The following CHIC2 variants were observed in gnomAD, a reference collection of about 807,000 sequenced individuals.
CHIC2 encodes cysteine rich hydrophobic domain 2.
In CHIC2, 14 loss-of-function variants were observed where a neutral mutation model predicts 25.9. The ratio of observed to expected loss-of-function variants is 0.54; its 90% confidence interval spans 0.36 to 0.85. The LOEUF (loss-of-function observed/expected upper bound fraction) is 0.85, where lower values mean the gene tolerates loss of function less well. CHIC2 is among the 40% of genes least tolerant of loss of function. The pLI is 0.01. For missense variants in CHIC2, 146 were observed against 202.0 expected, an observed-to-expected ratio of 0.72 and a Z score of 1.68; for synonymous variants, 70 against 72.0, an observed-to-expected ratio of 0.97 and a Z score of 0.14.
chr4:54,037,621 A>C (rs954833263), intron 3 of CHIC2, among the ~76,000 whole-genome samples: 5 of 152,162 alleles, frequency 3.3e-5, no homozygotes, highest in Non-Finnish European at 2.9e-5. Flanking sequence ...AATATAAATA[A>C]AAGTTTTGAA....
the CHIC2 span, among the ~76,000 whole-genome samples, chr4:54,080,716 A>G: frequency 6.7e-6 from 1 of 149,354 alleles, no homozygotes; most frequent in Non-Finnish European, 1.5e-5. Flanking sequence ...AGATCGCACC[A>G]CTGGACTCCA....
intron 3 of CHIC2, among the ~76,000 whole-genome samples, chr4:54,027,944 A>G (rs1401032810): frequency 1.3e-5 from 2 of 152,214 alleles, no homozygotes; most frequent in African/African-American, 4.8e-5. Flanking sequence ...CAAAGGCAAT[A>G]TATCAACTCT....
rs557132629 is a variant in CHIC2, at chr4:54,064,485, C to A, written c.-185G>T. ...GATGGGGTCTGGACCGTCGCCGCCA[C>A]CGCCGCCGCCATTACCATCAGCAAT... On this transcript the variant is annotated 5_prime_UTR_variant, in exon 1 of 6. Coordinates refer to ENST00000263921, the MANE Select transcript of CHIC2 (RefSeq NM_012110.4). The surrounding 1 kb of genome is among the most constrained non-coding windows in gnomAD (Gnocchi z 4.2). 8.0e-5 allele frequency: 115 copies of A among 1,442,774 alleles called. No individual in the cohort carries two copies. The Admixed American group carries it at 1.4e-3, about 18-fold the overall frequency. 89.4% of individuals were successfully genotyped at this position (1,442,774 alleles called of 1,614,324 possible). A position where few individuals can be genotyped will look rare whatever the true frequency, so the allele number is the denominator to read the frequency against.
At chr4:54,034,381 G>A (rs1716319051) in intron 3 of CHIC2, among the ~76,000 whole-genome samples, 1 of 149,226 alleles carries the variant, frequency 6.7e-6, no homozygotes, top group South Asian at 2.1e-4. Context: ...TTCAGCCTGG[G>A]CAACAAGAGC....
At chr4:54,018,882 C>T (rs187432289) in intron 3 of CHIC2, among the ~76,000 whole-genome samples, 24 of 152,060 alleles carry the variant, frequency 1.6e-4, no homozygotes, top group African/African-American at 5.5e-4. Context: ...CAATTCCCTA[C>T]TTAAATTTTA....
intron 3 of CHIC2, 40 bp downstream of exon 3, chr4:54,048,915 C>T (rs552210368): frequency 1.4e-6 from 2 of 1,450,026 alleles, no homozygotes; most frequent in East Asian, 5.1e-5. Context: ...ACTTGCTTGT[C>T]CACTTCTAAA....
the CHIC2 span, chr4:54,087,643 A>G: frequency 1.7e-6 from 1 of 574,070 alleles, no homozygotes; most frequent in East Asian, 3.1e-5. Context: ...GTTGGCCTAT[A>G]TATCCCTTGA....
At chr4:54,067,919 T>TCC (rs5858256), upstream of CHIC2, among the ~76,000 whole-genome samples, 324 of 144,894 alleles carry the variant, frequency 2.2e-3, 3 homozygotes, top group Middle Eastern at 0.018. Flanking sequence ...CTGAATTTTG[T>TCC]CCCCCCCCCC....
intron 5 of CHIC2, among the ~76,000 whole-genome samples, chr4:54,013,534 T>C (rs1034637152): frequency 6.6e-6 from 1 of 152,150 alleles, no homozygotes; most frequent in Non-Finnish European, 1.5e-5. Flanking sequence ...ACCAAAGTTG[T>C]GGTTATTCTT....
chr4:54,072,307 A>T, the CHIC2 span, among the ~76,000 whole-genome samples: 1 of 152,138 alleles, frequency 6.6e-6, no homozygotes, highest in African/African-American at 2.4e-5. Context: ...ATCTCAAAAA[A>T]AAAAAAAAGT....
the CHIC2 span, chr4:54,087,706 C>G: frequency 1.9e-6 from 1 of 535,540 alleles, no homozygotes; most frequent in Non-Finnish European, 3.3e-6. Flanking sequence ...CCTAAAATAT[C>G]TGGCAAAGAA....
upstream of CHIC2, chr4:54,064,833 C>A (rs922297129): frequency 9.7e-6 from 2 of 206,176 alleles, no homozygotes; most frequent in East Asian, 1.8e-4. This position sits in a 1 kb window ranked among gnomAD's most constrained non-coding sequence, Gnocchi z 4.2. Flanking sequence ...GGCGGGCCCC[C>A]CTCCGCCGAC....
chr4:54,086,336 A>G, the CHIC2 span, among the ~76,000 whole-genome samples: 1 of 152,214 alleles, frequency 6.6e-6, no homozygotes, highest in Non-Finnish European at 1.5e-5. Context: ...ATGCATTGAA[A>G]TCAGTGCAAA....
intron 3 of CHIC2, among the ~76,000 whole-genome samples, chr4:54,034,781 T>A (rs914459794): frequency 6.6e-6 from 1 of 152,204 alleles, no homozygotes; most frequent in African/African-American, 2.4e-5. Context: ...TAACATTGAT[T>A]AGTAGTAGTG....
intron 1 of CHIC2, among the ~76,000 whole-genome samples, chr4:54,062,781 C>T (rs1273207915): frequency 1.3e-5 from 2 of 152,116 alleles, no homozygotes; most frequent in African/African-American, 2.4e-5. Context: ...AGGCTTAAAA[C>T]AGTGCAAAAA....
At chr4:54,087,834 T>C in the CHIC2 span, 2 of 368,850 alleles carry the variant, frequency 5.4e-6, no homozygotes, top group Non-Finnish European at 1.0e-5. Flanking sequence ...TGGAAACACT[T>C]TTTGTTCTTA....
intron 3 of CHIC2, among the ~76,000 whole-genome samples, chr4:54,023,690 C>G (rs1048323591): frequency 6.6e-6 from 1 of 152,198 alleles, no homozygotes; most frequent in Non-Finnish European, 1.5e-5. Context: ...ATAGTATCTT[C>G]CACATCTATC....
At chr4:54,012,678 C>G (rs919152411) in intron 5 of CHIC2, among the ~76,000 whole-genome samples, 1 of 151,970 alleles carries the variant, frequency 6.6e-6, no homozygotes, top group Non-Finnish European at 1.5e-5. Context: ...GTCTCCTCAC[C>G]TCAAAATGAG....
At chr4:54,025,516 T>C (rs1467057429) in intron 3 of CHIC2, among the ~76,000 whole-genome samples, 1 of 152,178 alleles carries the variant, frequency 6.6e-6, no homozygotes, top group East Asian at 1.9e-4. Context: ...AAAGCCTGTT[T>C]GGTGGTCTCT....
Sources: gnomAD v4.1 joint callset for allele counts (sites outside exome capture counted in the v4.1 genomes callset) on GRCh38, gnomAD v4.1.1 for gene constraint, Gnocchi (gnomAD v3.1) non-coding constraint, MANE v1.5 for transcripts, NCBI Gene and HGNC (gene_info 2026-07-23, HGNC 2026-07-21) for gene names.